NRG2: variants seen among roughly 807,000 people sequenced by gnomAD.
NRG2 encodes the protein neuregulin 2.
NRG2 carries 27 observed loss-of-function variants against 73.9 expected under a neutral mutation model. That is an observed-to-expected ratio of 0.37 (90% CI 0.27 to 0.50). The LOEUF (loss-of-function observed/expected upper bound fraction) is 0.50. Ranked by LOEUF, NRG2 falls within the 20% of genes least tolerant of loss-of-function variation. The pLI is 0.96. For missense variants in NRG2, 1,126 were observed against 1,210.1 expected (o/e 0.93, Z 1.03); for synonymous variants, 532 against 541.0 (o/e 0.98, Z 0.23).
intron 1 of NRG2, among the ~76,000 whole-genome samples, chr5:139,937,946 T>G (rs1432462248): frequency 6.6e-6 from 1 of 152,088 alleles, no homozygotes; most frequent in Non-Finnish European, 1.5e-5. Context: ...GACAAGGTGG[T>G]GTGCACCTGT....
At chr5:139,962,734 T>C (rs1051656471) in intron 1 of NRG2, among the ~76,000 whole-genome samples, 9 of 152,138 alleles carry the variant, frequency 5.9e-5, no homozygotes, top group Non-Finnish European at 1.3e-4. Flanking sequence ...AACTGAGGCT[T>C]ATTAGTGCTT....
chr5:139,989,946 GC>G (rs1561733854), intron 1 of NRG2, among the ~76,000 whole-genome samples: 1 of 149,286 alleles, frequency 6.7e-6, no homozygotes, highest in African/African-American at 2.4e-5. Context: ...CCACCACCAC[GC>G]CCAGCTAATT....
intron 4 of NRG2, among the ~76,000 whole-genome samples, chr5:139,866,639 CTTCCAT>C (rs1018880369): frequency 6.6e-6 from 1 of 152,178 alleles, no homozygotes; most frequent in African/African-American, 2.4e-5. Flanking sequence ...CTGCGAAACT[CTTCCAT>C]TTCCCCATGA....
intron 1 of NRG2, among the ~76,000 whole-genome samples, chr5:140,014,371 T>C (rs1759607567): frequency 6.6e-6 from 1 of 152,084 alleles, no homozygotes; most frequent in Non-Finnish European, 1.5e-5. Context: ...CAAGTAGCTA[T>C]AACTACAGGC....
At chr5:139,873,953 G>A (rs1286451100) in intron 3 of NRG2, among the ~76,000 whole-genome samples, 1 of 152,260 alleles carries the variant, frequency 6.6e-6, no homozygotes, top group East Asian at 1.9e-4. Flanking sequence ...TCATGGGGAC[G>A]AGGCTGGGAC....
At chr5:139,926,015 C>A (rs1488110585) in intron 1 of NRG2, among the ~76,000 whole-genome samples, 2 of 152,230 alleles carry the variant, frequency 1.3e-5, no homozygotes, top group African/African-American at 4.8e-5. Context: ...CCACATGCAC[C>A]CAGTAGATGC....
chr5:139,981,529 C>T (rs1165536461), intron 1 of NRG2, among the ~76,000 whole-genome samples: 1 of 152,206 alleles, frequency 6.6e-6, no homozygotes, highest in Non-Finnish European at 1.5e-5. Context: ...GGAAGCTAAT[C>T]CAGAGAGAGT....
chr5:139,942,091 T>A (rs1428152781), intron 1 of NRG2, among the ~76,000 whole-genome samples: 1 of 152,186 alleles, frequency 6.6e-6, no homozygotes, highest in Non-Finnish European at 1.5e-5. Context: ...AAAATATCAA[T>A]GTCAGCTCTG....
chr5:139,853,373 T>C lies in NRG2; in HGVS notation c.1293-346A>G, dbSNP rs959448214. Among the ~76,000 whole-genome samples the C allele has an allele frequency of 6.6e-6, 1 of 152,226 alleles. No homozygotes were observed. Among genetic ancestry groups the C allele is most frequent in the Non-Finnish European group, 1.5e-5 (1 of 68,042 alleles). ...AAGACTATTGAGGATTAAAAGTATA[T>C]GAAACATTCAAGCACAGTGCTGACT... On this transcript the variant is annotated intron_variant, in intron 6 of 9. Transcript: ENST00000361474. The surrounding 1 kb of genome is among the most constrained non-coding windows in gnomAD (Gnocchi z 4.1).
At chr5:139,893,628 T>C (rs1380532482) in intron 1 of NRG2, among the ~76,000 whole-genome samples, 1 of 152,162 alleles carries the variant, frequency 6.6e-6, no homozygotes, top group Non-Finnish European at 1.5e-5. Context: ...CCCCTAAGGT[T>C]TCCTCCTCAG....
intron 1 of NRG2, among the ~76,000 whole-genome samples, chr5:139,992,781 G>A (rs747032747): frequency 5.3e-5 from 8 of 152,150 alleles, no homozygotes; most frequent in Non-Finnish European, 1.0e-4. Context: ...AAAGCCTCAC[G>A]TGTGTCCCTT....
intron 1 of NRG2, among the ~76,000 whole-genome samples, chr5:139,912,168 G>A (rs889299564): frequency 2.6e-5 from 4 of 152,208 alleles, no homozygotes; most frequent in African/African-American, 9.7e-5. Context: ...CTTGAGGACT[G>A]AGGGGGATCC....
At chr5:139,899,089 T>C (rs1764724389) in intron 1 of NRG2, among the ~76,000 whole-genome samples, 1 of 152,214 alleles carries the variant, frequency 6.6e-6, no homozygotes, top group Admixed American at 6.5e-5. Flanking sequence ...GTCTATCTCG[T>C]CCTGCCAGGT....
intron 1 of NRG2, among the ~76,000 whole-genome samples, chr5:139,993,132 G>T (rs945739747): frequency 6.6e-6 from 1 of 151,998 alleles, no homozygotes; most frequent in Non-Finnish European, 1.5e-5. Flanking sequence ...GTGGTGGGGA[G>T]GGGGAGGTTC....
rs1254464569 is a variant in NRG2, at chr5:139,912,117, T to C, written c.701-24606A>G. On this transcript the variant is annotated intron_variant, in intron 1 of 9. Transcript: ENST00000361474. Reference sequence around the variant, plus strand: ...TTTGCTCACATCTCTCTATCCATTCTGGGAGGTCAGGCTGCAGGGGTCAGC... The same window carrying C: ...TTTGCTCACATCTCTCTATCCATTCCGGGAGGTCAGGCTGCAGGGGTCAGC... Among the ~76,000 whole-genome samples the C allele has an allele frequency of 4.6e-5, 7 of 152,166 alleles. No homozygotes were observed. In the East Asian group the frequency reaches 1.3e-3, roughly 29 times the overall value.
chr5:139,866,720 GC>G (rs1319977090), intron 4 of NRG2, among the ~76,000 whole-genome samples: 1 of 152,144 alleles, frequency 6.6e-6, no homozygotes, highest in African/African-American at 2.4e-5. Flanking sequence ...CTTGCTTACA[GC>G]TCTAAAGCAC....
intron 5 of NRG2, among the ~76,000 whole-genome samples, chr5:139,860,652 GAC>G (rs1762093747): frequency 6.6e-6 from 1 of 152,208 alleles, no homozygotes; most frequent in African/African-American, 2.4e-5. Flanking sequence ...CACAGGAAGA[GAC>G]AAGTGGGTTC....
chr5:139,855,800 G>A, intron 5 of NRG2, 22 bp from the exon 6 acceptor site: 1 of 1,594,518 alleles, frequency 6.3e-7, no homozygotes, highest in Non-Finnish European at 8.6e-7. Flanking sequence ...GGGTAGATGT[G>A]AGGGGTGGGG....
Position 140,006,314 on chromosome 5 carries a change from A to G in NRG2, c.700+36056T>C, listed in dbSNP as rs139470939. On this transcript the variant is annotated intron_variant, in intron 1 of 9. Coordinates refer to ENST00000361474, the MANE Select transcript of NRG2 (RefSeq NM_004883.3). ...GCTATCAAAGAAAGCTTTTAAGTAC[A>G]GATTGCCCCAATTTGGCTCTCTCCT... 4.6e-5 allele frequency among the ~76,000 whole-genome samples: 7 copies of G among 152,344 alleles called. No homozygotes were observed. The East Asian group carries it at 7.7e-4, about 17-fold the overall frequency.
Sources: gnomAD v4.1 joint callset for allele counts (sites outside exome capture counted in the v4.1 genomes callset) on GRCh38, gnomAD v4.1.1 for gene constraint, Gnocchi (gnomAD v3.1) non-coding constraint, MANE v1.5 for transcripts, NCBI Gene and HGNC (gene_info 2026-07-23, HGNC 2026-07-21) for gene names.